SNRPB: variants seen among roughly 807,000 people sequenced by gnomAD.
SNRPB encodes the protein small nuclear ribonucleoprotein-associated proteins B and B'.
A neutral mutation model predicts 26.6 loss-of-function variants in SNRPB; 5 were observed. The observed-to-expected ratio is 0.19, with a 90% CI of 0.10 to 0.39. The LOEUF (loss-of-function observed/expected upper bound fraction) is 0.39. Ranked by LOEUF, SNRPB falls within the 10% of genes least tolerant of loss-of-function variation. The pLI is 1.00. For missense variants in SNRPB, 211 were observed against 311.9 expected, an observed-to-expected ratio of 0.68 and a Z score of 2.44; for synonymous variants, 122 against 105.8, an observed-to-expected ratio of 1.15 and a Z score of -0.94.
In SNRPB at chr20:2,462,680, C is replaced by G. The variant is rs1217592314; in HGVS notation, c.641G>C (p.Gly214Ala). ...GIPPGRGTPM[G>A]MPPPGMRPPP... ...AGGCCGCATTCCCGGAGGGGGCATG[C>G]CCATTGGAGTCCCTCTTCCAGGGGG... The change falls in exon 6 of 7, where the codon GGC becomes GCC. Residue 214 changes from glycine to alanine, a missense_variant. Physicochemically the swap from Gly to Ala is moderately conservative, Grantham distance 60. Coordinates refer to ENST00000381342, the MANE Select transcript of SNRPB (RefSeq NM_003091.4). 6.2e-6 allele frequency: 10 copies of G among 1,609,306 alleles called. No individual in the cohort carries two copies. Among genetic ancestry groups the G allele is most frequent in the Non-Finnish European group, 8.5e-6 (10 of 1,176,162 alleles).
intron 6 of SNRPB, 95 bp from the exon 7 acceptor site, chr20:2,462,034 G>A: frequency 1.2e-6 from 1 of 830,522 alleles, no homozygotes; most frequent in Non-Finnish European, 2.0e-6. Context: ...AATCGAGTGA[G>A]GAGAGGGGTA....
intron 6 of SNRPB, 96 bp from the exon 7 acceptor site, chr20:2,462,035 G>T: frequency 1.2e-6 from 1 of 829,046 alleles, no homozygotes; most frequent in South Asian, 1.5e-5. Context: ...ATCGAGTGAG[G>T]AGAGGGGTAT....
In SNRPB at chr20:2,465,818, G is replaced by T; in HGVS notation, c.157C>A (p.Pro53Thr). The change falls in exon 3 of 7, where the codon CCA becomes ACA. Residue 53 changes from proline (P) to threonine (T), a missense_variant and splice_region_variant. Physicochemically the swap from Pro to Thr is conservative, Grantham distance 38. Coordinates refer to ENST00000381342, the MANE Select transcript of SNRPB (RefSeq NM_003091.4). Reference sequence around the variant, plus strand: ...CTTTCTGCTTGTTTGGAGTTCTTTGGCCTAAAGAGAGGTTTAGAAGGAACA... The same window carrying T: ...CTTTCTGCTTGTTTGGAGTTCTTTGTCCTAAAGAGAGGTTTAGAAGGAACA... Reference protein sequence around the residue: ...CDCDEFRKIKPKNSKQAEREE... With the variant: ...CDCDEFRKIKTKNSKQAEREE... 6.2e-7 allele frequency: 1 copy of T among 1,612,968 alleles called. No individual in the cohort carries two copies. Among genetic ancestry groups the T allele is most frequent in the East Asian group, 2.2e-5 (1 of 44,806 alleles).
In SNRPB at chr20:2,461,769, G is replaced by A; in HGVS notation, c.*160C>T. 6.2e-7 allele frequency: 1 copy of A among 1,608,698 alleles called. No individual in the cohort carries two copies. Among genetic ancestry groups the A allele is most frequent in the Non-Finnish European group, 8.5e-7 (1 of 1,176,970 alleles). On this transcript the variant is annotated 3_prime_UTR_variant, in exon 7 of 7. Coordinates refer to ENST00000381342, the MANE Select transcript of SNRPB (RefSeq NM_003091.4). ...GCCAAGATGAGTCTAGGGCCTTGGT[G>A]GGCGCATTCCCGGGGGAGGGGGCCC... is the stretch of plus-strand genomic sequence containing the variant.
intron 6 of SNRPB, 101 bp from the exon 7 acceptor site, chr20:2,462,040 G>A: frequency 1.3e-6 from 1 of 775,304 alleles, no homozygotes; most frequent in Non-Finnish European, 2.2e-6. Flanking sequence ...GTGAGGAGAG[G>A]GGTATACATG....
intron 5 of SNRPB, among the ~76,000 whole-genome samples, 156 bp downstream of exon 5, chr20:2,462,932 GT>G (rs1287928890): frequency 6.6e-6 from 1 of 152,218 alleles, no homozygotes; most frequent in Non-Finnish European, 1.5e-5. Context: ...AATGGCTCTT[GT>G]CCACCTAGTC....
At chr20:2,470,436 C>A (rs2085106424) in intron 1 of SNRPB, among the ~76,000 whole-genome samples, 1 of 152,246 alleles carries the variant, frequency 6.6e-6, no homozygotes, top group African/African-American at 2.4e-5. Flanking sequence ...ACAGCGGTGT[C>A]GAGAGCCGCG....
intron 6 of SNRPB, 44 bp from the exon 7 acceptor site, chr20:2,461,983 T>C (rs2085037575): frequency 6.8e-7 from 1 of 1,461,058 alleles, no homozygotes; most frequent in Non-Finnish European, 9.5e-7. Flanking sequence ...GATCTGCAAC[T>C]TGAATCCCCA....
chr20:2,467,048 A>C (rs996835428), intron 2 of SNRPB: 7 of 272,488 alleles, frequency 2.6e-5, no homozygotes, highest in African/African-American at 1.6e-4. Context: ...ATGGGCCAAA[A>C]GCTTAAGATC....
chr20:2,463,180 A>G lies in SNRPB; in HGVS notation c.468T>C (p.Ala156=), dbSNP rs1485926289. 6.2e-7 allele frequency: 1 copy of G among 1,612,206 alleles called. No individual in the cohort carries two copies. The highest frequency in any genetic ancestry group is 8.5e-7 in the Non-Finnish European group (1 of 1,178,522). Residue 156 remains alanine, a synonymous_variant, in exon 5 of 7, where the codon GCT becomes GCC. Coordinates refer to ENST00000381342, the MANE Select transcript of SNRPB (RefSeq NM_003091.4). The surrounding 1 kb of genome is among the most constrained non-coding windows in gnomAD (Gnocchi z 5.0). The stretch of plus-strand genomic sequence containing the variant: ...GAGCCCCGGCAATACTGGCTGTGGC[A>G]GCAGCTGCAGCGGCTGCAACAGTAC... ...GRGTVAAAAA[A]ATASIAGAPT... is the part of the protein sequence containing the mutation.
chr20:2,461,703 T>C lies in SNRPB; in HGVS notation c.*226A>G. Reference sequence around the variant, plus strand: ...ATAGGCCACAAGGAGATAAAAGGACTATGTACAGCCTTACGGGAAACAGGC... The same window carrying C: ...ATAGGCCACAAGGAGATAAAAGGACCATGTACAGCCTTACGGGAAACAGGC... On this transcript the variant is annotated 3_prime_UTR_variant, in exon 7 of 7. Coordinates refer to ENST00000381342, the MANE Select transcript of SNRPB (RefSeq NM_003091.4). 2 of 1,301,592 alleles carry C rather than the reference T, an allele frequency of 1.5e-6. No homozygotes were observed. The highest frequency in any genetic ancestry group is 2.1e-6 in the Non-Finnish European group (2 of 940,160). The allele number at this position is 1,301,592 out of a possible 1,614,324, so 80.6% of individuals were successfully genotyped here.
In SNRPB at chr20:2,463,245, GAA is replaced by G; in HGVS notation, c.421-20_421-19del. The G allele has an allele frequency of 6.2e-7, 1 of 1,600,590 alleles. No individual in the cohort carries two copies. The highest frequency in any genetic ancestry group is 1.7e-5 in the Admixed American group (1 of 59,992). On this transcript the variant is annotated intron_variant, in intron 4 of 6. Transcript: ENST00000381342. The surrounding 1 kb of genome is among the most constrained non-coding windows in gnomAD (Gnocchi z 5.0). ...GTCATCACCTAAGAGGACATAAGAA[GAA>G]AGAGTTAGAAGAGTACAGTACAATG...
At position 2,463,377 on chromosome 20, in the gene SNRPB, C is replaced by T. The variant is rs551730146; in HGVS notation, c.421-150G>A. 1 of 669,234 alleles carries T rather than the reference C, an allele frequency of 1.5e-6. No individual in the cohort carries two copies. Among genetic ancestry groups the T allele is most frequent in the Admixed American group, 2.3e-5 (1 of 42,756 alleles). 41.5% of individuals were successfully genotyped at this position (669,234 alleles called of 1,614,324 possible). The stretch of plus-strand genomic sequence containing the variant: ...CAGCACCAGACTTCCCATCCAAAAC[C>T]ACATGTCGGGAAAGATCAAGCTTGA... On this transcript the variant is annotated intron_variant, in intron 4 of 6. Transcript: ENST00000381342. The surrounding 1 kb of genome is among the most constrained non-coding windows in gnomAD (Gnocchi z 5.0).
intron 6 of SNRPB, among the ~76,000 whole-genome samples, chr20:2,462,264 A>T (rs1262031290): frequency 6.6e-6 from 1 of 150,928 alleles, no homozygotes; most frequent in Non-Finnish European, 1.5e-5. Flanking sequence ...CTCCAACTGA[A>T]GTTAAAGAGA....
chr20:2,467,684 G>T lies in SNRPB; in HGVS notation c.78C>A (p.Ile26=). The change falls in exon 2 of 7, where the codon ATC becomes ATA. Residue 26 remains isoleucine, a synonymous_variant. Coordinates refer to ENST00000381342, the MANE Select transcript of SNRPB (RefSeq NM_003091.4). ...RMRCILQDGR[I]FIGTFKAFDK... Reference sequence around the variant, plus strand: ...CAAAAGCCTTGAAGGTGCCAATGAAGATCCGGCCGTCCTGCAGGATGCACC... The same window carrying T: ...CAAAAGCCTTGAAGGTGCCAATGAATATCCGGCCGTCCTGCAGGATGCACC... 1.2e-6 allele frequency: 2 copies of T among 1,614,130 alleles called. No individual in the cohort carries two copies. Among genetic ancestry groups the T allele is most frequent in the Non-Finnish European group, 1.7e-6 (2 of 1,179,984 alleles).
chr20:2,469,269 G>C (rs750030011), intron 1 of SNRPB, among the ~76,000 whole-genome samples: 1 of 152,186 alleles, frequency 6.6e-6, no homozygotes, highest in African/African-American at 2.4e-5. Flanking sequence ...TGAATCCAGC[G>C]CCTATTCTAA....
At position 2,463,441 on chromosome 20, in the gene SNRPB, G is replaced by A. The variant is rs1300693621; in HGVS notation, c.421-214C>T. 1.3e-5 allele frequency among the ~76,000 whole-genome samples: 2 copies of A among 152,220 alleles called. No homozygotes were observed. Among genetic ancestry groups the A allele is most frequent in the East Asian group, 3.9e-4 (2 of 5,190 alleles). Reference sequence around the variant, plus strand: ...ATCTTCTAGACCTGAATGTAAGCATGTCCAATCCAAGTGAGAGAAGGCAAC... The same window carrying A: ...ATCTTCTAGACCTGAATGTAAGCATATCCAATCCAAGTGAGAGAAGGCAAC... On this transcript the variant is annotated intron_variant, in intron 4 of 6. Coordinates refer to ENST00000381342, the MANE Select transcript of SNRPB (RefSeq NM_003091.4). This position sits in a 1 kb window ranked among gnomAD's most constrained non-coding sequence, Gnocchi z 5.0.
intron 1 of SNRPB, among the ~76,000 whole-genome samples, chr20:2,468,028 T>G (rs1199021130): frequency 6.6e-6 from 1 of 152,210 alleles, no homozygotes; most frequent in East Asian, 1.9e-4. Flanking sequence ...TCGTGTCAGT[T>G]GCAGGGATGA....
rs746020338 is a variant in SNRPB, at chr20:2,462,764, G to A, written c.560-3C>T. ...ACCAGGAGGTGGGCCCATCATGCCT[G>A]CAAGAGAAAAGCCCCAAGAATATAG... On this transcript the variant is annotated splice_polypyrimidine_tract_variant and splice_region_variant and intron_variant, in intron 5 of 6. Coordinates refer to ENST00000381342, the MANE Select transcript of SNRPB (RefSeq NM_003091.4). 12 of 1,528,810 alleles carry A rather than the reference G, an allele frequency of 7.8e-6. No individual in the cohort carries two copies. Among genetic ancestry groups the A allele is most frequent in the African/African-American group, 4.2e-5 (3 of 71,626 alleles). 94.7% of individuals were successfully genotyped at this position (1,528,810 alleles called of 1,614,324 possible).
Sources: gnomAD v4.1 joint callset for allele counts (sites outside exome capture counted in the v4.1 genomes callset) on GRCh38, gnomAD v4.1.1 for gene constraint, Gnocchi (gnomAD v3.1) non-coding constraint, MANE v1.5 for transcripts, NCBI Gene and HGNC (gene_info 2026-07-23, HGNC 2026-07-21) for gene names.